The following STXBP5 variants were observed in gnomAD, a reference collection of about 807,000 sequenced individuals.
The protein encoded by STXBP5 is syntaxin-binding protein 5.
A neutral mutation model predicts 152.4 loss-of-function variants in STXBP5; 50 were observed. The ratio of observed to expected loss-of-function variants is 0.33; its 90% confidence interval spans 0.26 to 0.42. STXBP5 has a LOEUF of 0.42. STXBP5 is among the 10% of genes least tolerant of loss of function. The pLI is 1.00. For synonymous variants in STXBP5, 492 were observed against 494.7 expected, an observed-to-expected ratio of 0.99 and a Z score of 0.07; for missense variants, 1,167 against 1,388.6, an observed-to-expected ratio of 0.84 and a Z score of 2.54.
intron 21 of STXBP5, among the ~76,000 whole-genome samples, chr6:147,353,034 C>T (rs1005255269): frequency 1.3e-5 from 2 of 152,008 alleles, no homozygotes; most frequent in African/African-American, 4.8e-5. Flanking sequence ...GTTCCAGCTA[C>T]TTGGGAGGCT....
At chr6:147,350,014 G>A (rs944939029) in intron 21 of STXBP5, among the ~76,000 whole-genome samples, 8 of 151,920 alleles carry the variant, frequency 5.3e-5, no homozygotes, top group East Asian at 1.9e-4. Flanking sequence ...TCCAGGTTGC[G>A]GATATCCACT....
chr6:147,243,458 T>G (rs972287158), intron 4 of STXBP5, among the ~76,000 whole-genome samples: 3 of 152,214 alleles, frequency 2.0e-5, no homozygotes, highest in Admixed American at 2.0e-4. Flanking sequence ...ATTTTAATAA[T>G]TCTTTGTATG....
Position 147,291,106 on chromosome 6 carries a change from A to G in STXBP5, c.851A>G (p.Lys284Arg). 1 of 1,608,594 alleles carries G rather than the reference A, an allele frequency of 6.2e-7. No homozygotes were observed. The highest frequency in any genetic ancestry group is 1.7e-5 in the Admixed American group (1 of 59,544). Reference protein sequence around the residue: ...QTITPHGKQLKDGKKPEPCKP... With the variant: ...QTITPHGKQLRDGKKPEPCKP... ...AAATATATTTTAGGAAAACAGTTAAAGGATGGGAAGAAGCCAGAACCATGC... is the reference window on the plus strand; with the variant it reads ...AAATATATTTTAGGAAAACAGTTAAGGGATGGGAAGAAGCCAGAACCATGC... The change falls in exon 9 of 28, where the codon AAG becomes AGG. Residue 284 changes from lysine (K) to arginine (R), a missense_variant. Coordinates refer to ENST00000321680, the MANE Select transcript of STXBP5 (RefSeq NM_001127715.4).
intron 2 of STXBP5, among the ~76,000 whole-genome samples, chr6:147,222,514 A>T (rs1441809571): frequency 6.6e-6 from 1 of 152,086 alleles, no homozygotes; most frequent in African/African-American, 2.4e-5. Context: ...TTTTAGGTGG[A>T]ATAAGATGGC....
chr6:147,353,766 T>C (rs1449953502), intron 22 of STXBP5, among the ~76,000 whole-genome samples: 3 of 152,170 alleles, frequency 2.0e-5, no homozygotes, highest in Non-Finnish European at 4.4e-5. Context: ...TTAAAATAGA[T>C]TAACTTTTTT....
At chr6:147,243,429 G>A (rs1778648612) in intron 4 of STXBP5, among the ~76,000 whole-genome samples, 1 of 152,108 alleles carries the variant, frequency 6.6e-6, no homozygotes. Context: ...AAGTTGGGCT[G>A]TTTGTTTCTT....
At chr6:147,355,797 TGTTA>T (rs1484424387) in intron 22 of STXBP5, among the ~76,000 whole-genome samples, 7 of 152,182 alleles carry the variant, frequency 4.6e-5, no homozygotes, top group Admixed American at 2.6e-4. Flanking sequence ...CCTTGCTTAG[TGTTA>T]GTTATTTTCA....
At chr6:147,305,698 T>C (rs1782055466) in intron 9 of STXBP5, among the ~76,000 whole-genome samples, 1 of 152,188 alleles carries the variant, frequency 6.6e-6, no homozygotes, top group South Asian at 2.1e-4. Context: ...AGGAATTTGA[T>C]ATAGGGTCTT....
intron 2 of STXBP5, among the ~76,000 whole-genome samples, chr6:147,217,448 G>A (rs1374766459): frequency 1.3e-5 from 2 of 152,168 alleles, no homozygotes; most frequent in African/African-American, 4.8e-5. Flanking sequence ...TGACTACGTA[G>A]TAAATAGTAG....
At chr6:147,292,269 A>G (rs1562466521) in intron 9 of STXBP5, 1 of 452,204 alleles carries the variant, frequency 2.2e-6, no homozygotes, top group Non-Finnish European at 4.4e-6. Context: ...GAGATCCAAC[A>G]GATATATTCC....
At chr6:147,342,782 A>C (rs909422175) in intron 21 of STXBP5, among the ~76,000 whole-genome samples, 2 of 152,152 alleles carry the variant, frequency 1.3e-5, no homozygotes, top group African/African-American at 4.8e-5. Context: ...TTAATGTATG[A>C]ATCAAATTTT....
At chr6:147,278,365 T>C (rs548536466) in intron 8 of STXBP5, among the ~76,000 whole-genome samples, 161 bp downstream of exon 8, 1 of 152,340 alleles carries the variant, frequency 6.6e-6, no homozygotes, top group Admixed American at 6.5e-5. Flanking sequence ...AAATAGTATC[T>C]AACAACCAGT....
intron 8 of STXBP5, among the ~76,000 whole-genome samples, chr6:147,287,797 C>G (rs1330335917): frequency 6.6e-6 from 1 of 152,164 alleles, no homozygotes; most frequent in East Asian, 1.9e-4. Flanking sequence ...CTTCAGAGTA[C>G]AATTTCCACC....
intron 18 of STXBP5, among the ~76,000 whole-genome samples, chr6:147,330,749 C>T (rs1018451845): frequency 2.0e-5 from 3 of 152,110 alleles, no homozygotes; most frequent in African/African-American, 4.8e-5. Context: ...GATAATTTTA[C>T]GGTACTTTTG....
At chr6:147,231,037 C>T (rs571273330) in intron 2 of STXBP5, among the ~76,000 whole-genome samples, 1 of 151,722 alleles carries the variant, frequency 6.6e-6, no homozygotes, top group South Asian at 2.1e-4. Flanking sequence ...CAGAAAAAGC[C>T]ATTTAGGCAG....
chr6:147,313,600 T>C (rs1485563702), intron 11 of STXBP5, among the ~76,000 whole-genome samples: 1 of 152,150 alleles, frequency 6.6e-6, no homozygotes, highest in African/African-American at 2.4e-5. Flanking sequence ...GTAAAATGCC[T>C]ATGTCGTAAG....
intron 9 of STXBP5, among the ~76,000 whole-genome samples, chr6:147,297,036 G>T (rs192919569): frequency 1.3e-5 from 2 of 152,096 alleles, no homozygotes; most frequent in Non-Finnish European, 2.9e-5. Flanking sequence ...GAGGAAAGGC[G>T]CAGAAAACAT....
At chr6:147,211,215 A>G (rs1776831994) in intron 2 of STXBP5, among the ~76,000 whole-genome samples, 1 of 151,644 alleles carries the variant, frequency 6.6e-6, no homozygotes, top group South Asian at 2.1e-4. Flanking sequence ...AGGCTGAGGC[A>G]GGAGAATCGC....
intron 2 of STXBP5, among the ~76,000 whole-genome samples, chr6:147,213,471 T>TGCGCGCGCGCGCGCGC (rs1210162851): frequency 8.2e-6 from 1 of 121,482 alleles, no homozygotes; most frequent in Non-Finnish European, 1.8e-5. Context: ...TGTGTGTGTG[T>TGCGCGCGCGCGCGCGC]GTGTGTGCGC....
Sources: allele counts gnomAD v4.1 joint callset (sites outside exome capture counted in the v4.1 genomes callset), GRCh38; gene constraint gnomAD v4.1.1; transcripts MANE v1.5; gene names NCBI Gene and HGNC (gene_info 2026-07-23, HGNC 2026-07-21).